The following PGM2L1 variants were observed in gnomAD, a reference collection of about 807,000 sequenced individuals.
PGM2L1 encodes the protein glucose 1,6-bisphosphate synthase.
Under a neutral mutation model 73.4 loss-of-function variants are expected in PGM2L1, and 35 were observed. The ratio of observed to expected loss-of-function variants is 0.48; its 90% CI spans 0.36 to 0.63. The LOEUF is 0.63. Among genes scored for constraint, PGM2L1 ranks in the 30% least tolerant of loss-of-function variants. The pLI is 0.00. For missense variants in PGM2L1, 570 were observed against 742.0 expected (o/e 0.77, Z 2.69); for synonymous variants, 225 against 253.8 (o/e 0.89, Z 1.08).
chr11:74,352,255 A>G (rs758712221), intron 5 of PGM2L1, among the ~76,000 whole-genome samples: 4 of 152,152 alleles, frequency 2.6e-5, no homozygotes, highest in Non-Finnish European at 5.9e-5. Flanking sequence ...AAGATAATCC[A>G]AGAAACCACA....
intron 4 of PGM2L1, among the ~76,000 whole-genome samples, chr11:74,370,551 G>T (rs1474464481): frequency 6.6e-6 from 1 of 152,056 alleles, no homozygotes; most frequent in African/African-American, 2.4e-5. Context: ...ACTCAATAGA[G>T]AATTTTTACA....
At chr11:74,368,842 T>C (rs1862703289) in intron 4 of PGM2L1, among the ~76,000 whole-genome samples, 1 of 152,212 alleles carries the variant, frequency 6.6e-6, no homozygotes, top group Admixed American at 6.5e-5. Flanking sequence ...TTTTTCCTTA[T>C]ATATTCATTA....
intron 9 of PGM2L1, among the ~76,000 whole-genome samples, chr11:74,344,109 G>A (rs374874506): frequency 2.9e-4 from 44 of 151,784 alleles, no homozygotes; most frequent in Middle Eastern, 6.8e-3. Flanking sequence ...AAACGCTGTC[G>A]CTGAAACACA....
At chr11:74,362,394 C>A (rs1324960845) in intron 5 of PGM2L1, among the ~76,000 whole-genome samples, 2 of 152,126 alleles carry the variant, frequency 1.3e-5, no homozygotes, top group Admixed American at 1.3e-4. Flanking sequence ...CTGAAGGAAG[C>A]ACTAAACATG....
intron 1 of PGM2L1, among the ~76,000 whole-genome samples, chr11:74,391,024 GTT>G (rs1863094530): frequency 6.6e-6 from 1 of 152,060 alleles, no homozygotes; most frequent in Non-Finnish European, 1.5e-5. Context: ...CTGGAGATCT[GTT>G]TTTCTTTCCT....
chr11:74,357,299 G>A (rs779768523), intron 5 of PGM2L1, among the ~76,000 whole-genome samples: 14 of 152,294 alleles, frequency 9.2e-5, no homozygotes, highest in Non-Finnish European at 1.5e-4. Context: ...AAATATTTGC[G>A]AAAGATGTAT....
chr11:74,345,811 G>T (rs1862252580), intron 8 of PGM2L1, among the ~76,000 whole-genome samples, 162 bp from the exon 9 acceptor site: 1 of 151,920 alleles, frequency 6.6e-6, no homozygotes, highest in Admixed American at 6.5e-5. Flanking sequence ...AACTGACCAG[G>T]GGTGATTTTA....
chr11:74,336,849 C>A, intron 13 of PGM2L1, 95 bp from the exon 14 acceptor site: 7 of 716,028 alleles, frequency 9.8e-6, no homozygotes, highest in Admixed American at 3.5e-5. Context: ...CTGATGGAGT[C>A]ATTAAACAAT....
intron 1 of PGM2L1, among the ~76,000 whole-genome samples, chr11:74,381,963 A>G (rs1008485468): frequency 6.6e-6 from 1 of 150,646 alleles, no homozygotes; most frequent in Non-Finnish European, 1.5e-5. Flanking sequence ...ACCATTTTTC[A>G]CCTAAAAATT....
intron 5 of PGM2L1, among the ~76,000 whole-genome samples, chr11:74,353,335 AT>A (rs560297384): frequency 2.1e-3 from 306 of 148,012 alleles, no homozygotes; most frequent in East Asian, 6.1e-3. Flanking sequence ...TTAAATGTAA[AT>A]TTTTTTTTTT....
rs1157251315 is a variant in PGM2L1, at chr11:74,371,076, C to G, written c.387-90G>C. ...ATAAATGTTTCATATTATAATTAGT[C>G]TGAATAAATAGTATCCTAATATAGC... On this transcript the variant is annotated intron_variant, in intron 3 of 13. Transcript: ENST00000298198. 9.6e-6 allele frequency: 9 copies of G among 936,260 alleles called. No homozygotes were observed. The South Asian group carries it at 1.1e-4, about 11-fold the overall frequency. The allele number at this position is 936,260 out of a possible 1,614,324, so 58.0% of individuals were successfully genotyped here. A position where few individuals can be genotyped will look rare whatever the true frequency, so the allele number is the denominator to read the frequency against.
chr11:74,368,677 T>C (rs1862701053), intron 4 of PGM2L1, 102 bp from the exon 5 acceptor site: 3 of 860,018 alleles, frequency 3.5e-6, no homozygotes, highest in African/African-American at 3.4e-5. Context: ...CATTATAGTA[T>C]GATATTGCTT....
At chr11:74,347,573 T>C (rs1271848946) in intron 6 of PGM2L1, among the ~76,000 whole-genome samples, 1 of 152,212 alleles carries the variant, frequency 6.6e-6, no homozygotes, top group African/African-American at 2.4e-5. Context: ...GCCTTCCATA[T>C]GCTGTGCCAA....
At chr11:74,381,935 T>C (rs1028569012) in intron 1 of PGM2L1, among the ~76,000 whole-genome samples, 2 of 135,972 alleles carry the variant, frequency 1.5e-5, no homozygotes, top group Non-Finnish European at 3.1e-5. Context: ...ACCTAGGAAA[T>C]GAAAATTAAA....
rs1354866866 is a variant in PGM2L1 at position 74,342,580 on chromosome 11, C to G, written c.1513G>C (p.Glu505Gln). The change falls in exon 12 of 14, where the codon GAA becomes CAA. Residue 505 changes from glutamate to glutamine, a missense_variant. Coordinates refer to ENST00000298198, the MANE Select transcript of PGM2L1 (RefSeq NM_173582.6). Reference sequence around the variant, plus strand: ...GGAGAATCAAAATTACGAAGCCTTTCAAATATACTTTTGATGGTAGGTGGT... The same window carrying G: ...GGAGAATCAAAATTACGAAGCCTTTGAAATATACTTTTGATGGTAGGTGGT... ...YEPPTIKSIF[E>Q]RLRNFDSPKE... 4 of 1,606,296 alleles carry G rather than the reference C, an allele frequency of 2.5e-6. No individual in the cohort carries two copies. The East Asian group carries it at 8.9e-5, about 36-fold the overall frequency.
At chr11:74,343,769 C>CTTTTT (rs56938172) in intron 9 of PGM2L1, among the ~76,000 whole-genome samples, 10 of 79,114 alleles carry the variant, frequency 1.3e-4, no homozygotes, top group Non-Finnish European at 1.6e-4. Flanking sequence ...TTTACATTAT[C>CTTTTT]TTTTTTTTTT....
At chr11:74,356,839 C>CT (rs76204346) in intron 5 of PGM2L1, among the ~76,000 whole-genome samples, 20 of 147,666 alleles carry the variant, frequency 1.4e-4, no homozygotes, top group South Asian at 2.1e-4. Context: ...TTGGCAATCA[C>CT]TTTTTTTTTT....
intron 1 of PGM2L1, among the ~76,000 whole-genome samples, chr11:74,379,526 T>C (rs1862907046): frequency 6.6e-6 from 1 of 152,190 alleles, no homozygotes; most frequent in Non-Finnish European, 1.5e-5. Context: ...TCTACTCTAT[T>C]AGTATTCTAG....
intron 1 of PGM2L1, among the ~76,000 whole-genome samples, chr11:74,383,781 TC>T (rs1351764218): frequency 1.4e-5 from 2 of 141,164 alleles, no homozygotes; most frequent in Non-Finnish European, 3.0e-5. Flanking sequence ...ATGATCTCAA[TC>T]CTTTTTATGT....
Sources: gnomAD v4.1 joint callset for allele counts (sites outside exome capture counted in the v4.1 genomes callset) on GRCh38, gnomAD v4.1.1 for gene constraint, MANE v1.5 for transcripts, NCBI Gene and HGNC (gene_info 2026-07-23, HGNC 2026-07-21) for gene names.